Variants in KAT5 observed in about 807,000 individuals in gnomAD.
The protein encoded by KAT5 is lysine acetyltransferase 5.
A neutral mutation model predicts 68.1 loss-of-function variants in KAT5; 31 were observed. That is an observed-to-expected ratio of 0.46 (90% CI 0.34 to 0.61). The LOEUF is 0.61. KAT5 is among the 20% of genes least tolerant of loss of function. The pLI is 0.01. For missense variants in KAT5, 451 were observed against 725.5 expected, an observed-to-expected ratio of 0.62 and a Z score of 4.35; for synonymous variants, 365 against 292.6, an observed-to-expected ratio of 1.25 and a Z score of -2.52.
At position 65,719,320 on chromosome 11, in the gene KAT5, CAG is replaced by C. The variant is rs962717370; in HGVS notation, c.*140_*141del. ...CTCAAAAAGGAGAGGACAGGCCTGGCAGGGGCCCACTGGTGCCCAGCACCAAG... is the reference window on the plus strand; with the variant it reads ...CTCAAAAAGGAGAGGACAGGCCTGGCGGGCCCACTGGTGCCCAGCACCAAG... On this transcript the variant is annotated 3_prime_UTR_variant, in exon 13 of 13. Coordinates refer to ENST00000341318, the MANE Select transcript of KAT5 (RefSeq NM_182710.3). 3 of 1,064,606 alleles carry C rather than the reference CAG, an allele frequency of 2.8e-6. No individual in the cohort carries two copies. Among genetic ancestry groups the C allele is most frequent in the African/African-American group, 3.2e-5 (2 of 62,794 alleles). 65.9% of individuals were successfully genotyped at this position (1,064,606 alleles called of 1,614,324 possible). A position where few individuals can be genotyped will look rare whatever the true frequency, so the allele number is the denominator to read the frequency against.
At chr11:65,715,166 A>G in intron 8 of KAT5, 1 of 498,502 alleles carries the variant, frequency 2.0e-6, no homozygotes, top group Non-Finnish European at 3.7e-6. Flanking sequence ...GTAGGTTAGC[A>G]GGACCCAAAG....
rs555699888 is a variant in KAT5, at chr11:65,719,104, C to G, written c.1564C>G (p.Leu522Val). 1 of 1,614,218 alleles carries G rather than the reference C, an allele frequency of 6.2e-7. No individual in the cohort carries two copies. Among genetic ancestry groups the G allele is most frequent in the Non-Finnish European group, 8.5e-7 (1 of 1,180,038 alleles). Reference protein sequence around the residue: ...DIVDGHERAMLKRLLRIDSKC... With the variant: ...DIVDGHERAMVKRLLRIDSKC... ...CGTGGATGGCCATGAGCGGGCCATG[C>G]TCAAGCGGCTCCTGCGGATCGACTC... The change falls in exon 13 of 13, where the codon CTC (leucine) becomes GTC (valine). Residue 522 changes from leucine to valine, a missense_variant. Coordinates refer to ENST00000341318, the MANE Select transcript of KAT5 (RefSeq NM_182710.3).
chr11:65,712,529 C>T (rs1406386803), intron 1 of KAT5, 84 bp downstream of exon 1: 1 of 1,476,490 alleles, frequency 6.8e-7, no homozygotes, highest in Non-Finnish European at 9.2e-7. Context: ...GGAGGGGCGT[C>T]TGGAATTATG....
At chr11:65,715,236 G>A in intron 8 of KAT5, 1 of 354,862 alleles carries the variant, frequency 2.8e-6, no homozygotes, top group South Asian at 2.7e-5. Context: ...TGACAAAGTG[G>A]CTGAGGGGAT....
intron 10 of KAT5, chr11:65,718,333 C>T: frequency 9.4e-6 from 4 of 426,714 alleles, no homozygotes; most frequent in Non-Finnish European, 1.7e-5. Context: ...CTTCACTGGC[C>T]TCTGATCACC....
In KAT5 at chr11:65,712,761, C is replaced by T; in HGVS notation, c.179-5C>T. ...CTAAGGCCCCTGTCTATGCTATTCT[C>T]ATAGCCCTGGCCGAGATCCTGAGCG... On this transcript the variant is annotated splice_region_variant and splice_polypyrimidine_tract_variant and intron_variant, in intron 1 of 12. Transcript: ENST00000341318. 1.9e-6 allele frequency: 3 copies of T among 1,613,892 alleles called. No homozygotes were observed. The highest frequency in any genetic ancestry group is 8.5e-7 in the Non-Finnish European group (1 of 1,179,926).
chr11:65,715,332 GA>G, intron 8 of KAT5: 1 of 237,052 alleles, frequency 4.2e-6, no homozygotes, highest in Non-Finnish European at 8.5e-6. Context: ...TTGGGAGGCA[GA>G]AAAGGGAGGA....
At chr11:65,715,303 A>AAGGCAGAGATCATTCTGGTTGGG in intron 8 of KAT5, 1 of 257,662 alleles carries the variant, frequency 3.9e-6, no homozygotes, top group Admixed American at 4.6e-5. Context: ...GTCTTTGTGA[A>AAGGCAGAGATCATTCTGGTTGGG]AGGCAGAGAT....
intron 8 of KAT5, 192 bp downstream of exon 8, chr11:65,715,102 C>G (rs1207204494): frequency 3.3e-6 from 2 of 607,086 alleles, no homozygotes; most frequent in Non-Finnish European, 3.0e-6. Context: ...ATGGGAGAGA[C>G]AGTCATACCA....
chr11:65,717,069 C>G, intron 10 of KAT5, 87 bp downstream of exon 10: 1 of 1,063,242 alleles, frequency 9.4e-7, no homozygotes, highest in Non-Finnish European at 1.5e-6. Flanking sequence ...GATTCTCAAC[C>G]CTGGCTGTGC....
In KAT5 at chr11:65,713,491, C is replaced by A. The variant is rs1316058937; in HGVS notation, c.528C>A (p.Asn176Lys). 1.2e-6 allele frequency: 2 copies of A among 1,614,248 alleles called. No homozygotes were observed. Among genetic ancestry groups the A allele is most frequent in the Admixed American group, 3.3e-5 (2 of 60,026 alleles). Residue 176 changes from asparagine (N) to lysine (K), a missense_variant, in exon 4 of 13, where the codon AAC (asparagine) becomes AAA (lysine). Asn to Lys is a moderately conservative substitution (Grantham distance 94). Around this residue, in one of 4 missense-constraint regions of KAT5, gnomAD observed 135 missense variants for 173.4 expected, o/e 0.78. Coordinates refer to ENST00000341318, the MANE Select transcript of KAT5 (RefSeq NM_182710.3). ...PLSSSSCLQP[N>K]HRSTKRKVEV... is the part of the protein sequence containing the mutation. ...CCTCCAGCTCCTGCCTGCAGCCCAA[C>A]CACCGCTCAACGGTACCCTCAGCAA...
chr11:65,714,247 A>G (rs1007030435), intron 6 of KAT5: 3 of 563,688 alleles, frequency 5.3e-6, no homozygotes, highest in African/African-American at 3.8e-5. Context: ...GTGAGCCAAG[A>G]TCGCGCTACT....
chr11:65,717,059 G>A, intron 10 of KAT5, 77 bp downstream of exon 10: 1 of 1,145,780 alleles, frequency 8.7e-7, no homozygotes, highest in Non-Finnish European at 1.3e-6. Flanking sequence ...AGGCTACTGT[G>A]ATTCTCAACC....
intron 10 of KAT5, chr11:65,718,134 C>T (rs1008229064): frequency 6.4e-6 from 1 of 157,136 alleles, no homozygotes; most frequent in African/African-American, 2.4e-5. Flanking sequence ...TCAAGTCTTA[C>T]AGCAGGTGAC....
chr11:65,712,737 T>C (rs1469272812), intron 1 of KAT5, 29 bp from the exon 2 acceptor site: 1 of 1,612,718 alleles, frequency 6.2e-7, no homozygotes, highest in African/African-American at 1.3e-5. Flanking sequence ...CTGGCCTGTC[T>C]AAGGCCCCTG....
At position 65,714,465 on chromosome 11, in the gene KAT5, A is replaced by G. The variant is rs200490482; in HGVS notation, c.691-30A>G. On this transcript the variant is annotated intron_variant, in intron 6 of 12. Transcript: ENST00000341318. Reference sequence around the variant, plus strand: ...GGTGTCCTGCTGAGCTGTCTCTTACAACCTGGTATTTTCCACTGGCCCTGG... The same window carrying G: ...GGTGTCCTGCTGAGCTGTCTCTTACGACCTGGTATTTTCCACTGGCCCTGG... 4.9e-4 allele frequency: 795 copies of G among 1,608,856 alleles called. 4 individuals are homozygous for G. Among genetic ancestry groups the G allele is most frequent in the Middle Eastern group, 2.4e-3 (14 of 5,836 alleles).
upstream of KAT5, chr11:65,712,059 T>G: frequency 4.3e-6 from 2 of 459,812 alleles, no homozygotes; most frequent in Non-Finnish European, 7.7e-6. Flanking sequence ...GTGCACGTTA[T>G]GGGGTTTCCA....
rs1857100875 is a variant in KAT5, at chr11:65,713,647, C to T, written c.595C>T (p.Pro199Ser). 1 of 1,614,106 alleles carries T rather than the reference C, an allele frequency of 6.2e-7. No individual in the cohort carries two copies. Among genetic ancestry groups the T allele is most frequent in the Non-Finnish European group, 8.5e-7 (1 of 1,180,052 alleles). ...AACTCCAGTGCCCAGCGAGACAGCC[C>T]CGGCCTCGGTTTTTCCCCAGGTGAG... Reference protein sequence around the residue: ...PATPVPSETAPASVFPQNGAA... With the variant: ...PATPVPSETASASVFPQNGAA... The change falls in exon 5 of 13, where the codon CCG becomes TCG. Residue 199 changes from proline (P) to serine (S), a missense_variant. This residue lies in a region of KAT5 where 135 missense variants were observed against 173.4 expected (regional missense o/e 0.78). Transcript: ENST00000341318.
At position 65,719,203 on chromosome 11, in the gene KAT5, G is replaced by A. The variant is rs879120651; in HGVS notation, c.*22G>A. The A allele has an allele frequency of 6.2e-7, 1 of 1,611,156 alleles. No homozygotes were observed. ...GTGACCAGACACTGCCCACTGCAGT[G>A]CCAAGACGGCAGCAGGACTGGGGCT... is the stretch of plus-strand genomic sequence containing the variant. On this transcript the variant is annotated 3_prime_UTR_variant, in exon 13 of 13. Transcript: ENST00000341318.
Sources: gnomAD v4.1 joint callset for allele counts on GRCh38, gnomAD v4.1.1 for gene constraint, gnomAD v4.1.1 regional missense constraint, MANE v1.5 for transcripts, NCBI Gene and HGNC (gene_info 2026-07-23, HGNC 2026-07-21) for gene names.